Variants in CFAP91 observed in about 807,000 individuals in gnomAD.
The protein encoded by CFAP91 is cilia- and flagella-associated protein 91.
A neutral mutation model predicts 95.9 loss-of-function variants in CFAP91; 85 were observed. The ratio of observed to expected loss-of-function variants is 0.89; its 90% CI spans 0.74 to 1.06. The LOEUF is 1.06. Ranked by LOEUF, CFAP91 falls within the 50% of genes least tolerant of loss-of-function variation. CFAP91 has a pLI of 0.00. For missense variants in CFAP91, 962 were observed against 943.4 expected, an observed-to-expected ratio of 1.02 and a Z score of -0.26; for synonymous variants, 335 against 327.5, an observed-to-expected ratio of 1.02 and a Z score of -0.25.
intron 16 of CFAP91, 50 bp from the exon 17 acceptor site, chr3:119,750,886 TG>T: frequency 6.2e-7 from 1 of 1,601,450 alleles, no homozygotes; most frequent in Non-Finnish European, 8.6e-7. Context: ...CATTTGGGAA[TG>T]GTTTTGTTCA....
intron 7 of CFAP91, among the ~76,000 whole-genome samples, chr3:119,727,485 T>G (rs182969313): frequency 1.3e-5 from 2 of 152,324 alleles, no homozygotes. Flanking sequence ...GCAAGTACAT[T>G]TGTTAAACTG....
At chr3:119,754,638 G>T (rs2054390440) in intron 17 of CFAP91, among the ~76,000 whole-genome samples, 1 of 152,196 alleles carries the variant, frequency 6.6e-6, no homozygotes, top group South Asian at 2.1e-4. Flanking sequence ...TCTTCAAGAA[G>T]AAGGAAAAAT....
At chr3:119,737,010 AT>A (rs956661738) in intron 10 of CFAP91, among the ~76,000 whole-genome samples, 2 of 152,030 alleles carry the variant, frequency 1.3e-5, no homozygotes, top group Non-Finnish European at 2.9e-5. Context: ...CTAATTTTGT[AT>A]TTTTAGTAGA....
Position 119,715,725 on chromosome 3 carries a change from C to T in CFAP91, c.664C>T (p.Leu222=), listed in dbSNP as rs755506894. ...GGACTCAATCCCTGAGCTCTTGACC[C>T]TGGCTACGCTTACTTGGGGTGAGTT... ...CQDSIPELLT[L]ATLTWGRGLP... is the part of the protein sequence containing the mutation. Residue 222 remains leucine, a synonymous_variant, in exon 6 of 18, where the codon CTG becomes TTG. Transcript: ENST00000273390. 6.2e-6 allele frequency: 10 copies of T among 1,613,810 alleles called. No homozygotes were observed. The South Asian group carries it at 7.7e-5, about 12-fold the overall frequency.
intron 17 of CFAP91, among the ~76,000 whole-genome samples, chr3:119,756,946 A>G (rs959508731): frequency 6.6e-6 from 1 of 152,214 alleles, no homozygotes; most frequent in African/African-American, 2.4e-5. Context: ...TATTCCAAGT[A>G]AAGTCAGAAT....
intron 17 of CFAP91, among the ~76,000 whole-genome samples, chr3:119,763,619 T>TA (rs529578202): frequency 0.039 from 5,671 of 145,434 alleles, 327 homozygotes; most frequent in African/African-American, 0.13. Context: ...TATTCAGCCT[T>TA]AAAAAAAAAA....
chr3:119,720,341 G>A (rs1219381122), intron 6 of CFAP91, among the ~76,000 whole-genome samples: 1 of 150,164 alleles, frequency 6.7e-6, no homozygotes, highest in African/African-American at 2.4e-5. Context: ...TGCTTGCAGT[G>A]AGCCGAGATG....
At chr3:119,761,872 C>T (rs907790801) in intron 17 of CFAP91, among the ~76,000 whole-genome samples, 55 of 151,932 alleles carry the variant, frequency 3.6e-4, no homozygotes, top group Non-Finnish European at 1.9e-4. Context: ...GACAAACCCA[C>T]AACTAACATC....
intron 1 of CFAP91, among the ~76,000 whole-genome samples, chr3:119,703,679 A>C (rs1344979248): frequency 6.6e-6 from 1 of 151,650 alleles, no homozygotes; most frequent in Non-Finnish European, 1.5e-5. Flanking sequence ...TGTTTTTTTT[A>C]ACTTCTGCGT....
intron 7 of CFAP91, among the ~76,000 whole-genome samples, chr3:119,726,816 A>G (rs1403291702): frequency 5.7e-5 from 4 of 70,172 alleles, no homozygotes; most frequent in African/African-American, 1.7e-4. Flanking sequence ...GCTCTTACCC[A>G]CCCCCCACCC....
intron 17 of CFAP91, among the ~76,000 whole-genome samples, chr3:119,762,868 C>T (rs1057391981): frequency 5.9e-5 from 9 of 151,924 alleles, no homozygotes; most frequent in Non-Finnish European, 1.5e-5. Flanking sequence ...TGTAAAACTG[C>T]GAGAAGAAAA....
At chr3:119,721,820 G>T (rs1460656550) in intron 6 of CFAP91, among the ~76,000 whole-genome samples, 1 of 152,170 alleles carries the variant, frequency 6.6e-6, no homozygotes, top group Non-Finnish European at 1.5e-5. Flanking sequence ...ACTAAAAAGA[G>T]AGTTCAACAA....
chr3:119,725,791 CT>C (rs2107878493), intron 6 of CFAP91, among the ~76,000 whole-genome samples: 1 of 152,134 alleles, frequency 6.6e-6, no homozygotes, highest in East Asian at 1.9e-4. Flanking sequence ...ATATTTTTCA[CT>C]TTTATCGAAC....
In CFAP91 at chr3:119,726,279, A is replaced by G. The variant is rs1376497736; in HGVS notation, c.791A>G (p.Glu264Gly). The G allele has an allele frequency of 1.2e-6, 2 of 1,613,956 alleles. No individual in the cohort carries two copies. The highest frequency in any genetic ancestry group is 2.2e-5 in the South Asian group (2 of 91,038). Residue 264 changes from glutamate to glycine, a missense_variant, in exon 7 of 18, where the codon GAG becomes GGG. Transcript: ENST00000273390. ...LPALSDTSQF[E>G]KRRKMMNEME... ...GCTCTGAGTGACACCTCCCAGTTTG[A>G]GAAGAGGAGGAAAATGATGAATGAA...
intron 5 of CFAP91, among the ~76,000 whole-genome samples, chr3:119,711,098 T>C (rs2053463089): frequency 6.6e-6 from 1 of 152,236 alleles, no homozygotes; most frequent in Admixed American, 6.5e-5. Context: ...AATATAGTTA[T>C]TCCTAATAAT....
rs2054069740 is a variant in CFAP91, at chr3:119,739,257, A to T, written c.1464A>T (p.Glu488Asp). The stretch of plus-strand genomic sequence containing the variant: ...TGGTTCTCCCTTTGTTCTTTTAGGA[A>T]GAAGAAGAAATGGAAATGGCTGTGA... ...PTPTLEMTSN[E>D]EEEMEMAVIY... Residue 488 changes from glutamate (E) to aspartate (D), a missense_variant and splice_region_variant, in exon 12 of 18, where the codon GAA (glutamate) becomes GAT (aspartate). By Grantham distance (45) the Glu-to-Asp change is conservative (BLOSUM62 2). Transcript: ENST00000273390. The T allele has an allele frequency of 6.2e-7, 1 of 1,613,516 alleles. No individual in the cohort carries two copies.
chr3:119,730,667 G>C (rs935772341), intron 8 of CFAP91, among the ~76,000 whole-genome samples: 36 of 148,422 alleles, frequency 2.4e-4, no homozygotes, highest in African/African-American at 8.9e-4. Flanking sequence ...TAAGTGTTGG[G>C]TTCCCCATAT....
intron 4 of CFAP91, among the ~76,000 whole-genome samples, chr3:119,709,579 G>A (rs1361423306): frequency 6.6e-6 from 1 of 152,104 alleles, no homozygotes; most frequent in Non-Finnish European, 1.5e-5. Context: ...AGAAAATACT[G>A]GAGTGTTTAT....
rs745872261 is a variant in CFAP91 at position 119,733,488 on chromosome 3, G to A, written c.1326G>A (p.Glu442=). 1.2e-6 allele frequency: 2 copies of A among 1,613,536 alleles called. No individual in the cohort carries two copies. Among genetic ancestry groups the A allele is most frequent in the African/African-American group, 1.3e-5 (1 of 74,896 alleles). ...AGAGGGCAGCAAGGTTGGACTATGA[G>A]TTGGCAGAGGTTCATAAGGTATAAT... ...FLKRAARLDY[E]LAEVHKALLD... Residue 442 remains glutamate, a synonymous_variant, in exon 10 of 18, where the codon GAG becomes GAA. Transcript: ENST00000273390.
Sources: allele counts gnomAD v4.1 joint callset (sites outside exome capture counted in the v4.1 genomes callset), GRCh38; gene constraint gnomAD v4.1.1; transcripts MANE v1.5; gene names NCBI Gene and HGNC (gene_info 2026-07-23, HGNC 2026-07-21).